The following SAXO1 variants were observed in gnomAD, a reference collection of about 807,000 sequenced individuals.
The protein encoded by SAXO1 is stabilizer of axonemal microtubules 1.
Under a neutral mutation model 17.5 loss-of-function variants are expected in SAXO1, and 21 were observed. The ratio of observed to expected loss-of-function variants is 1.20; its 90% CI spans 0.85 to 1.72. The LOEUF (loss-of-function observed/expected upper bound fraction) is 1.72. SAXO1 is among the 40% of genes most tolerant of loss of function. SAXO1 has a pLI of 0.00. For missense variants in SAXO1, 843 were observed against 596.0 expected, an observed-to-expected ratio of 1.41 and a Z score of -4.32; for synonymous variants, 274 against 216.5, an observed-to-expected ratio of 1.27 and a Z score of -2.33.
At chr9:18,983,821 T>C (rs539942680) in intron 1 of SAXO1, among the ~76,000 whole-genome samples, 1 of 152,368 alleles carries the variant, frequency 6.6e-6, no homozygotes, top group Admixed American at 6.5e-5. Context: ...TAATGGCGTC[T>C]AGAATGATGA....
intron 2 of SAXO1, 76 bp from the exon 3 acceptor site, chr9:18,941,915 T>C: frequency 7.2e-7 from 1 of 1,383,356 alleles, no homozygotes; most frequent in South Asian, 1.2e-5. Flanking sequence ...AACCCAACTC[T>C]ACAAACATTT....
At chr9:18,972,375 G>A (rs893139040) in intron 1 of SAXO1, among the ~76,000 whole-genome samples, 2 of 152,126 alleles carry the variant, frequency 1.3e-5, no homozygotes, top group South Asian at 2.1e-4. Context: ...TGAAGACTGC[G>A]CTCCATGAGA....
chr9:18,963,846 G>T (rs931179230), intron 1 of SAXO1, among the ~76,000 whole-genome samples: 1 of 152,182 alleles, frequency 6.6e-6, no homozygotes, highest in Admixed American at 6.5e-5. Context: ...GGAGTGGTGA[G>T]AGAGGGCATC....
At chr9:18,978,322 A>G (rs1019562150) in intron 1 of SAXO1, among the ~76,000 whole-genome samples, 10 of 152,288 alleles carry the variant, frequency 6.6e-5, no homozygotes, top group African/African-American at 2.4e-4. Flanking sequence ...AGCCACTCAC[A>G]TTGTGAAACA....
At chr9:18,962,669 G>C (rs896073246) in intron 1 of SAXO1, among the ~76,000 whole-genome samples, 2 of 149,216 alleles carry the variant, frequency 1.3e-5, no homozygotes, top group African/African-American at 5.0e-5. Flanking sequence ...TATTTTTCTT[G>C]TAAATTTAAG....
upstream of SAXO1, among the ~76,000 whole-genome samples, chr9:19,036,187 T>C (rs1835931569): frequency 6.8e-6 from 1 of 147,848 alleles, no homozygotes; most frequent in Admixed American, 6.8e-5. Context: ...CAAACGACCA[T>C]GGCACATGTA....
Position 19,022,241 on chromosome 9 carries a change from A to G in SAXO1, c.38+10630T>C, listed in dbSNP as rs187351559. ...ACTCCTTAAGTCAGAGAGATCACCA[A>G]CCCACTGGAAGGAAGAAACTCTGGA... On this transcript the variant is annotated intron_variant, in intron 1 of 3. Transcript: ENST00000380534. Among the ~76,000 whole-genome samples, 4 of 152,298 alleles carry G rather than the reference A, an allele frequency of 2.6e-5. No individual in the cohort carries two copies. The East Asian group carries it at 5.8e-4, about 22-fold the overall frequency.
intron 1 of SAXO1, among the ~76,000 whole-genome samples, chr9:18,983,361 C>A (rs1833473165): frequency 2.6e-5 from 4 of 152,150 alleles, no homozygotes; most frequent in Admixed American, 2.6e-4. Context: ...ATGAGAACAG[C>A]ATGGGGGAAA....
chr9:19,004,073 G>A (rs1236939295), intron 1 of SAXO1, among the ~76,000 whole-genome samples: 2 of 152,132 alleles, frequency 1.3e-5, no homozygotes, highest in Non-Finnish European at 2.9e-5. Context: ...AGCAGGCAAA[G>A]GCTATGAACA....
At chr9:18,962,563 C>A (rs1832531512) in intron 1 of SAXO1, among the ~76,000 whole-genome samples, 1 of 152,188 alleles carries the variant, frequency 6.6e-6, no homozygotes, top group African/African-American at 2.4e-5. Context: ...CAAAAATGTT[C>A]TCCCATTCAG....
At chr9:19,012,250 T>C (rs1401946658) in intron 1 of SAXO1, among the ~76,000 whole-genome samples, 1 of 152,218 alleles carries the variant, frequency 6.6e-6, no homozygotes, top group Non-Finnish European at 1.5e-5. Context: ...GAAAATAAGA[T>C]TTAGAGCCTT....
At chr9:18,971,143 G>T (rs10963882) in intron 1 of SAXO1, among the ~76,000 whole-genome samples, 6,642 of 152,206 alleles carry the variant, frequency 0.044, 152 homozygotes, top group Middle Eastern at 0.082. Context: ...ATTTTGCCCC[G>T]AGTGGGGCCT....
chr9:19,013,113 T>C (rs1002875896), intron 1 of SAXO1, among the ~76,000 whole-genome samples: 2 of 151,620 alleles, frequency 1.3e-5, no homozygotes, highest in African/African-American at 2.4e-5. Context: ...TCCAGATAGA[T>C]CCTGGAGGGG....
rs1830832869 is a variant in SAXO1, at chr9:18,927,931, G to A, written c.*121C>T. On this transcript the variant is annotated 3_prime_UTR_variant, in exon 4 of 4. Coordinates refer to ENST00000380534, the MANE Select transcript of SAXO1 (RefSeq NM_153707.4). The stretch of plus-strand genomic sequence containing the variant: ...ATTTTATTCAAGTGCTCTGGAAGTG[G>A]TGAAGGTTTTTTGTTTTTTGTTTTT... The A allele has an allele frequency of 7.2e-6, 8 of 1,108,348 alleles. No individual in the cohort carries two copies. Among genetic ancestry groups the A allele is most frequent in the Admixed American group, 2.5e-5 (1 of 40,576 alleles). 68.7% of individuals were successfully genotyped at this position (1,108,348 alleles called of 1,614,324 possible). A position where few individuals can be genotyped will look rare whatever the true frequency, so the allele number is the denominator to read the frequency against.
At position 18,955,112 on chromosome 9, in the gene SAXO1, C is replaced by A. The variant is rs141422502; in HGVS notation, c.39-4175G>T. ...CTCAGCAGGCTGAGGAGAGGGGATG[C>A]TTGAGTCCAGGAGTTCAAGGCTGTA... On this transcript the variant is annotated intron_variant, in intron 1 of 3. Coordinates refer to ENST00000380534, the MANE Select transcript of SAXO1 (RefSeq NM_153707.4). Among the ~76,000 whole-genome samples, 380 of 152,234 alleles carry A rather than the reference C, an allele frequency of 2.5e-3. 1 individual carries two copies. The highest frequency in any genetic ancestry group is 8.7e-3 in the African/African-American group (363 of 41,546).
At chr9:18,988,942 G>C (rs888594385) in intron 1 of SAXO1, among the ~76,000 whole-genome samples, 8 of 152,036 alleles carry the variant, frequency 5.3e-5, no homozygotes, top group Non-Finnish European at 8.8e-5. Context: ...TTAATCAGAG[G>C]GGAGTATAAA....
At chr9:18,959,924 C>G (rs1456495226) in intron 1 of SAXO1, among the ~76,000 whole-genome samples, 1 of 152,142 alleles carries the variant, frequency 6.6e-6, no homozygotes, top group African/African-American at 2.4e-5. Context: ...GGACTTTCAT[C>G]AGCAGCAATG....
In SAXO1 at chr9:18,981,104, T is replaced by G. The variant is rs149148492; in HGVS notation, c.39-30167A>C. Among the ~76,000 whole-genome samples, 114 of 152,328 alleles carry G rather than the reference T, an allele frequency of 7.5e-4. 1 individual carries two copies. The highest frequency in any genetic ancestry group is 2.7e-3 in the African/African-American group (111 of 41,582). On this transcript the variant is annotated intron_variant, in intron 1 of 3. Coordinates refer to ENST00000380534, the MANE Select transcript of SAXO1 (RefSeq NM_153707.4). Reference sequence around the variant, plus strand: ...CTTCAAAGTCTTTCCAAGGAAACTCTGGAAATAAACCTGAAGACCTCTGCA... The same window carrying G: ...CTTCAAAGTCTTTCCAAGGAAACTCGGGAAATAAACCTGAAGACCTCTGCA...
chr9:18,929,043 G>A lies in SAXO1; in HGVS notation c.434C>T (p.Pro145Leu). Reference protein sequence around the residue: ...CLPTYKADYLPWNQPRREPLR... With the variant: ...CLPTYKADYLLWNQPRREPLR... ...TGGCTCTCGCCTTGGTTGGTTCCAA[G>A]GCAAATAATCAGCTGAAATTAAAGC... Residue 145 changes from proline to leucine, a missense_variant, in exon 4 of 4, where the codon CCT (proline) becomes CTT (leucine). Pro to Leu is a moderately conservative substitution (Grantham distance 98). Coordinates refer to ENST00000380534, the MANE Select transcript of SAXO1 (RefSeq NM_153707.4). 6.2e-7 allele frequency: 1 copy of A among 1,613,712 alleles called. No homozygotes were observed. The highest frequency in any genetic ancestry group is 8.5e-7 in the Non-Finnish European group (1 of 1,179,882).
Sources: gnomAD v4.1 joint callset for allele counts (sites outside exome capture counted in the v4.1 genomes callset) on GRCh38, gnomAD v4.1.1 for gene constraint, MANE v1.5 for transcripts, NCBI Gene and HGNC (gene_info 2026-07-23, HGNC 2026-07-21) for gene names.